The following TOP6BL variants were observed in gnomAD, a reference collection of about 807,000 sequenced individuals.
TOP6BL encodes the protein type 2 DNA topoisomerase 6 subunit B-like.
At chr11:66,836,427 T>A in the TOP6BL span, among the ~76,000 whole-genome samples, 1 of 151,838 alleles carries the variant, frequency 6.6e-6, no homozygotes, top group African/African-American at 2.4e-5. Context: ...GCCAGGATGG[T>A]CTCAATCTCC....
chr11:66,824,370 C>A, the TOP6BL span, among the ~76,000 whole-genome samples: 2 of 151,132 alleles, frequency 1.3e-5, no homozygotes, highest in South Asian at 4.2e-4. Context: ...CTCAGCCTCC[C>A]AAGTAGCTGG....
At chr11:66,799,424 C>T in the TOP6BL span, among the ~76,000 whole-genome samples, 5 of 150,926 alleles carry the variant, frequency 3.3e-5, no homozygotes, top group South Asian at 6.3e-4. Flanking sequence ...TGGCTGAGCA[C>T]GGTGGCTCAT....
At chr11:66,792,052 C>T in the TOP6BL span, among the ~76,000 whole-genome samples, 4 of 152,234 alleles carry the variant, frequency 2.6e-5, no homozygotes, top group South Asian at 2.1e-4. Flanking sequence ...CCTCATGATC[C>T]GCCTGCCTCG....
At chr11:66,773,823 G>T in the TOP6BL span, among the ~76,000 whole-genome samples, 1 of 151,906 alleles carries the variant, frequency 6.6e-6, no homozygotes, top group African/African-American at 2.4e-5. Context: ...TGCAACCTCT[G>T]CCTCCCAGGT....
the TOP6BL span, chr11:66,843,330 C>T: frequency 1.3e-5 from 19 of 1,497,338 alleles, no homozygotes; most frequent in Non-Finnish European, 1.5e-5. Flanking sequence ...ACCAAGTCCT[C>T]TTCCGCGTCT....
At chr11:66,770,903 C>CCAT in the TOP6BL span, among the ~76,000 whole-genome samples, 1 of 152,084 alleles carries the variant, frequency 6.6e-6, no homozygotes, top group Middle Eastern at 3.4e-3. Context: ...TGGGTAATCA[C>CCAT]CATTATTATT....
At chr11:66,756,654 C>A in the TOP6BL span, 1 of 642,070 alleles carries the variant, frequency 1.6e-6, no homozygotes. Context: ...TATTTTAAAG[C>A]AAGCATTCCC....
the TOP6BL span, among the ~76,000 whole-genome samples, chr11:66,784,180 G>A: frequency 1.3e-5 from 2 of 151,978 alleles, no homozygotes; most frequent in African/African-American, 4.8e-5. Flanking sequence ...ACAGGCGCCT[G>A]CCACCAAGCC....
the TOP6BL span, among the ~76,000 whole-genome samples, chr11:66,791,937 C>A: frequency 6.6e-6 from 1 of 151,994 alleles, no homozygotes. Flanking sequence ...CCTGCCTCAG[C>A]CTCCTGAGTA....
chr11:66,744,969 G>C, the TOP6BL span: 1 of 1,241,090 alleles, frequency 8.1e-7, no homozygotes, highest in Non-Finnish European at 1.0e-6. Flanking sequence ...GAGGAGACGG[G>C]CTTTGTGAGG....
chr11:66,748,497 C>T, the TOP6BL span: 1 of 1,546,490 alleles, frequency 6.5e-7, no homozygotes, highest in South Asian at 1.2e-5. Flanking sequence ...CAGGCAAATG[C>T]TCTTCATTGT....
chr11:66,842,120 T>C, the TOP6BL span, among the ~76,000 whole-genome samples: 6 of 151,550 alleles, frequency 4.0e-5, no homozygotes, highest in African/African-American at 9.7e-5. Context: ...GTAGGATCGC[T>C]TGAGCCCAGG....
chr11:66,822,461 T>A, the TOP6BL span: 2 of 698,248 alleles, frequency 2.9e-6, no homozygotes, highest in South Asian at 3.6e-5. Flanking sequence ...ATAGGAAGAA[T>A]TGTTGAAATC....
the TOP6BL span, among the ~76,000 whole-genome samples, chr11:66,761,207 T>TA: frequency 6.6e-6 from 1 of 151,818 alleles, no homozygotes; most frequent in South Asian, 2.1e-4. Context: ...CCGTCTCTAC[T>TA]AAAAATACTA....
the TOP6BL span, chr11:66,838,405 T>G: frequency 6.2e-7 from 1 of 1,613,988 alleles, no homozygotes; most frequent in African/African-American, 1.3e-5. Flanking sequence ...CCCAGGGCAC[T>G]GAGGACGCAC....
At chr11:66,822,451 A>C in the TOP6BL span, 5 of 660,008 alleles carry the variant, frequency 7.6e-6, no homozygotes, top group South Asian at 9.4e-5. Context: ...TTGTTGATGG[A>C]TAGGAAGAAT....
the TOP6BL span, among the ~76,000 whole-genome samples, chr11:66,804,793 C>T: frequency 1.4e-4 from 21 of 151,688 alleles, no homozygotes; most frequent in East Asian, 5.8e-4. Flanking sequence ...AAAATTAGGC[C>T]GGGCGTGGTG....
At chr11:66,802,389 G>A in the TOP6BL span, among the ~76,000 whole-genome samples, 5 of 151,994 alleles carry the variant, frequency 3.3e-5, no homozygotes, top group African/African-American at 1.2e-4. Context: ...TCCTGACCTC[G>A]TGATCCTCCT....
At chr11:66,838,338 A>G in the TOP6BL span, 2 of 1,603,146 alleles carry the variant, frequency 1.2e-6, no homozygotes, top group Non-Finnish European at 1.7e-6. Flanking sequence ...TTTCTACAAA[A>G]CTCACTTAGG....
Sources: gnomAD v4.1 joint callset for allele counts (sites outside exome capture counted in the v4.1 genomes callset) on GRCh38, gnomAD v4.1.1 for gene constraint, MANE v1.5 for transcripts, NCBI Gene and HGNC (gene_info 2026-07-23, HGNC 2026-07-21) for gene names.